ZNF804A: variants seen among roughly 807,000 people sequenced by gnomAD.
ZNF804A encodes the protein zinc finger protein 804A.
In ZNF804A, 2 loss-of-function variants were observed where a neutral mutation model predicts 16.5. The ratio of observed to expected loss-of-function variants is 0.12; its 90% CI spans 0.05 to 0.38. ZNF804A has a LOEUF of 0.38. Ranked by LOEUF, ZNF804A falls within the 10% of genes least tolerant of loss-of-function variation. The pLI, the probability that ZNF804A is intolerant of heterozygous loss-of-function variation, is 0.99. For synonymous variants in ZNF804A, 534 were observed against 489.6 expected (o/e 1.09, Z -1.20); for missense variants, 1,473 against 1,390.7 (o/e 1.06, Z -0.94).
chr2:184,890,916 T>C (rs933217962), intron 2 of ZNF804A, among the ~76,000 whole-genome samples: 3 of 151,742 alleles, frequency 2.0e-5, no homozygotes, highest in African/African-American at 7.2e-5. Flanking sequence ...ATTATACATC[T>C]ATGTTATTCA....
At chr2:184,734,654 A>C (rs1693580084) in intron 1 of ZNF804A, among the ~76,000 whole-genome samples, 1 of 152,138 alleles carries the variant, frequency 6.6e-6, no homozygotes. Flanking sequence ...ATTGTTTGAT[A>C]ATGTTGTTTA....
intron 2 of ZNF804A, among the ~76,000 whole-genome samples, chr2:184,920,113 T>TA (rs1402991805): frequency 6.6e-6 from 1 of 152,096 alleles, no homozygotes; most frequent in Non-Finnish European, 1.5e-5. Context: ...AGATTCCATC[T>TA]AAAAAACAAC....
At chr2:184,903,916 GA>G (rs1356392862) in intron 2 of ZNF804A, among the ~76,000 whole-genome samples, 5 of 151,876 alleles carry the variant, frequency 3.3e-5, no homozygotes, top group Admixed American at 2.6e-4. Context: ...AAATATGACA[GA>G]AATAATTAAA....
At chr2:184,911,346 A>C (rs1351599887) in intron 2 of ZNF804A, among the ~76,000 whole-genome samples, 3 of 152,060 alleles carry the variant, frequency 2.0e-5, no homozygotes, top group African/African-American at 7.2e-5. Context: ...TTTTTGTACC[A>C]GTACCATGTT....
intron 1 of ZNF804A, among the ~76,000 whole-genome samples, chr2:184,766,568 G>A (rs1694131014): frequency 6.7e-6 from 1 of 149,748 alleles, no homozygotes; most frequent in Non-Finnish European, 1.5e-5. Flanking sequence ...TATCTGTTCT[G>A]TCTGTATCTT....
At chr2:184,887,068 C>T (rs1413906041) in intron 2 of ZNF804A, among the ~76,000 whole-genome samples, 1 of 152,220 alleles carries the variant, frequency 6.6e-6, no homozygotes, top group Admixed American at 6.5e-5. Context: ...CCTTATAAAA[C>T]TTAATGCCTT....
At chr2:184,653,157 G>C (rs1378918456) in intron 1 of ZNF804A, among the ~76,000 whole-genome samples, 4 of 151,988 alleles carry the variant, frequency 2.6e-5, no homozygotes, top group African/African-American at 9.7e-5. Context: ...TCCTCATTAA[G>C]GTATGAATCA....
intron 1 of ZNF804A, among the ~76,000 whole-genome samples, chr2:184,846,131 T>C (rs1269680306): frequency 1.3e-5 from 2 of 152,144 alleles, no homozygotes; most frequent in African/African-American, 4.8e-5. Flanking sequence ...GAGGTCTTTA[T>C]AAGCTTCCTA....
chr2:184,843,234 C>CT (rs1300297850), intron 1 of ZNF804A, among the ~76,000 whole-genome samples: 1 of 152,000 alleles, frequency 6.6e-6, no homozygotes, highest in East Asian at 1.9e-4. Flanking sequence ...GCCATCAACA[C>CT]TTTTTTTAAA....
At chr2:184,823,077 A>G (rs930686792) in intron 1 of ZNF804A, among the ~76,000 whole-genome samples, 1 of 152,136 alleles carries the variant, frequency 6.6e-6, no homozygotes, top group Non-Finnish European at 1.5e-5. Flanking sequence ...TATTTCACAC[A>G]GTATTGGAGG....
intron 1 of ZNF804A, among the ~76,000 whole-genome samples, chr2:184,735,140 TA>T (rs1693586352): frequency 6.6e-6 from 1 of 152,204 alleles, no homozygotes; most frequent in African/African-American, 2.4e-5. Flanking sequence ...TTGTTGCATT[TA>T]GTCCATTGGT....
intron 1 of ZNF804A, among the ~76,000 whole-genome samples, chr2:184,740,671 G>C (rs1042458219): frequency 8.6e-5 from 13 of 152,044 alleles, no homozygotes; most frequent in Non-Finnish European, 1.8e-4. Flanking sequence ...TTGTAATTTA[G>C]TTAGTAAATT....
Position 184,688,614 on chromosome 2 carries a change from T to C in ZNF804A, c.111+89544T>C, listed in dbSNP as rs1443900171. ...TTTATGATTTACATGTCTCTCAATA[T>C]ACAATACTTCAAACCATTTTTAATG... On this transcript the variant is annotated intron_variant, in intron 1 of 3. Coordinates refer to ENST00000302277, the MANE Select transcript of ZNF804A (RefSeq NM_194250.2). Among the ~76,000 whole-genome samples the C allele has an allele frequency of 2.6e-5, 4 of 152,140 alleles. No homozygotes were observed. In the East Asian group the frequency reaches 5.8e-4, roughly 22 times the overall value.
chr2:184,685,012 C>G (rs1692605197), intron 1 of ZNF804A, among the ~76,000 whole-genome samples: 1 of 152,120 alleles, frequency 6.6e-6, no homozygotes, highest in Admixed American at 6.5e-5. Flanking sequence ...GCCCACCAGG[C>G]TCCTCTCAGC....
At chr2:184,749,840 A>T (rs558679690) in intron 1 of ZNF804A, among the ~76,000 whole-genome samples, 1 of 151,394 alleles carries the variant, frequency 6.6e-6, no homozygotes, top group Non-Finnish European at 1.5e-5. Flanking sequence ...TCATGTATTC[A>T]GCTTTCATTT....
intron 2 of ZNF804A, among the ~76,000 whole-genome samples, chr2:184,874,614 A>T (rs942088385): frequency 2.0e-5 from 3 of 152,180 alleles, no homozygotes; most frequent in Non-Finnish European, 4.4e-5. Flanking sequence ...TTCAGTAATT[A>T]TCAGAGTAAT....
intron 1 of ZNF804A, among the ~76,000 whole-genome samples, chr2:184,690,830 T>C (rs1387540317): frequency 6.6e-6 from 1 of 152,048 alleles, no homozygotes; most frequent in Non-Finnish European, 1.5e-5. Flanking sequence ...TTGTATTCTG[T>C]TTTGTATTTA....
intron 1 of ZNF804A, among the ~76,000 whole-genome samples, chr2:184,662,382 TA>T (rs1692188294): frequency 6.6e-6 from 1 of 152,182 alleles, no homozygotes; most frequent in Non-Finnish European, 1.5e-5. Flanking sequence ...TTCTTATGCT[TA>T]AAGACTCATA....
chr2:184,846,819 A>G (rs1035177090), intron 1 of ZNF804A, among the ~76,000 whole-genome samples: 1 of 152,080 alleles, frequency 6.6e-6, no homozygotes, highest in Non-Finnish European at 1.5e-5. Context: ...CTTCCATTAG[A>G]GTCCAGCGAT....
Sources: allele counts gnomAD v4.1 joint callset (sites outside exome capture counted in the v4.1 genomes callset), GRCh38; gene constraint gnomAD v4.1.1; transcripts MANE v1.5; gene names NCBI Gene and HGNC (gene_info 2026-07-23, HGNC 2026-07-21).